Variants in STK32B observed in about 807,000 individuals in gnomAD.
STK32B encodes the protein serine/threonine kinase 32B.
Under a neutral mutation model 52.6 loss-of-function variants are expected in STK32B, and 43 were observed. That is an observed-to-expected ratio of 0.82 (90% CI 0.64 to 1.05). The LOEUF (loss-of-function observed/expected upper bound fraction) is 1.05, where lower values mean the gene tolerates loss of function less well. Ranked by LOEUF, STK32B falls within the 50% of genes least tolerant of loss-of-function variation. STK32B has a pLI of 0.00. For synonymous variants in STK32B, 238 were observed against 204.3 expected, an observed-to-expected ratio of 1.17 and a Z score of -1.41; for missense variants, 621 against 534.6, an observed-to-expected ratio of 1.16 and a Z score of -1.59.
intron 3 of STK32B, among the ~76,000 whole-genome samples, chr4:5,245,043 ATTCTGTTGAT>A (rs1725339048): frequency 6.6e-6 from 1 of 152,164 alleles, no homozygotes; most frequent in South Asian, 2.1e-4. Flanking sequence ...AAGAATGTGT[ATTCTGTTGAT>A]TTGGGGTGGA....
At chr4:5,346,646 C>T (rs1421248579) in intron 4 of STK32B, among the ~76,000 whole-genome samples, 1 of 152,160 alleles carries the variant, frequency 6.6e-6, no homozygotes, top group Admixed American at 6.5e-5. Context: ...AGCTCAGAGA[C>T]CGTGGGTAAG....
In STK32B at chr4:5,469,870, T is replaced by C. The variant is rs1369693093; in HGVS notation, c.1106+1800T>C. On this transcript the variant is annotated intron_variant, in intron 11 of 11. Coordinates refer to ENST00000282908, the MANE Select transcript of STK32B (RefSeq NM_018401.3). This position sits in a 1 kb window ranked among gnomAD's most constrained non-coding sequence, Gnocchi z 4.7. The stretch of plus-strand genomic sequence containing the variant: ...CCAATTTGCCTGTGGTCCTGCCTGC[T>C]CTGAGGCTCATGGCCCTTCCCCCAG... Among the ~76,000 whole-genome samples, 1 of 152,180 alleles carries C rather than the reference T, an allele frequency of 6.6e-6. No individual in the cohort carries two copies. The highest frequency in any genetic ancestry group is 1.9e-4 in the East Asian group (1 of 5,186).
chr4:5,104,810 C>T (rs957674886), intron 1 of STK32B, among the ~76,000 whole-genome samples: 4 of 152,054 alleles, frequency 2.6e-5, no homozygotes, highest in Admixed American at 1.3e-4. Context: ...GTTTTTTCAA[C>T]GTGTTTGTAA....
intron 5 of STK32B, among the ~76,000 whole-genome samples, chr4:5,404,981 C>G (rs534979705): frequency 6.6e-6 from 1 of 150,486 alleles, no homozygotes; most frequent in South Asian, 2.1e-4. Flanking sequence ...ATTCTCTGGC[C>G]TCAGCCTCCT....
At chr4:5,317,633 G>C (rs184528714) in intron 3 of STK32B, among the ~76,000 whole-genome samples, 6 of 145,262 alleles carry the variant, frequency 4.1e-5, no homozygotes, top group African/African-American at 1.6e-4. Context: ...TCATGCCCTG[G>C]ACCAGGCCCT....
rs1395156566 is a variant in STK32B at position 5,500,659 on chromosome 4, T to C, written c.*1576T>C. Reference sequence around the variant, plus strand: ...TAATGTATGGTTAGGTTTTATATTTTTATTTTTTAAAAAAGAAATAGTCAG... The same window carrying C: ...TAATGTATGGTTAGGTTTTATATTTCTATTTTTTAAAAAAGAAATAGTCAG... On this transcript the variant is annotated 3_prime_UTR_variant, in exon 12 of 12. Coordinates refer to ENST00000282908, the MANE Select transcript of STK32B (RefSeq NM_018401.3). 1.3e-5 allele frequency: 2 copies of C among 152,232 alleles called. No individual in the cohort carries two copies. Among genetic ancestry groups the C allele is most frequent in the Non-Finnish European group, 2.9e-5 (2 of 68,048 alleles). The allele number at this position is 152,232 out of a possible 1,614,324, so 9.4% of individuals were successfully genotyped here.
In STK32B at chr4:5,500,863, T is replaced by G. The variant is rs949754225; in HGVS notation, c.*1780T>G. 6.6e-6 allele frequency: 1 copy of G among 152,136 alleles called. No homozygotes were observed. The highest frequency in any genetic ancestry group is 6.5e-5 in the Admixed American group (1 of 15,282). The allele number at this position is 152,136 out of a possible 1,614,324, so 9.4% of individuals were successfully genotyped here. A position where few individuals can be genotyped will look rare whatever the true frequency, so the allele number is the denominator to read the frequency against. ...GTGACCCTGGAGGCTCTTAAGATGA[T>G]GATGGTTTTTTTTATTGGGCTGAGT... On this transcript the variant is annotated 3_prime_UTR_variant, in exon 12 of 12. Transcript: ENST00000282908.
At chr4:5,196,166 TC>T (rs1721636136) in intron 3 of STK32B, among the ~76,000 whole-genome samples, 1 of 152,058 alleles carries the variant, frequency 6.6e-6, no homozygotes, top group Non-Finnish European at 1.5e-5. Flanking sequence ...GTGTTCTTGC[TC>T]TGCGTTCCAC....
chr4:5,299,820 G>A (rs551145463), intron 3 of STK32B, among the ~76,000 whole-genome samples: 110 of 152,226 alleles, frequency 7.2e-4, no homozygotes, highest in South Asian at 5.2e-3. Flanking sequence ...ACCAAAAAGA[G>A]CCCTGGACCA....
At chr4:5,243,341 TTGTGAATGGG>T (rs1374117427) in intron 3 of STK32B, among the ~76,000 whole-genome samples, 2 of 152,200 alleles carry the variant, frequency 1.3e-5, no homozygotes, top group African/African-American at 4.8e-5. Flanking sequence ...TTTGAAGCAA[TTGTGAATGGG>T]AGTTCACTCA....
chr4:5,452,865 T>C (rs1716131501), intron 7 of STK32B, among the ~76,000 whole-genome samples: 1 of 152,108 alleles, frequency 6.6e-6, no homozygotes, highest in South Asian at 2.1e-4. Flanking sequence ...CTAAAATTGC[T>C]TTTACCAGCA....
intron 3 of STK32B, among the ~76,000 whole-genome samples, chr4:5,328,346 T>G (rs1329973596): frequency 6.6e-6 from 1 of 152,228 alleles, no homozygotes; most frequent in Non-Finnish European, 1.5e-5. Flanking sequence ...TGGCATGTCT[T>G]TCTCATTAGG....
At chr4:5,075,167 T>C (rs1462544039) in intron 1 of STK32B, among the ~76,000 whole-genome samples, 1 of 152,208 alleles carries the variant, frequency 6.6e-6, no homozygotes, top group East Asian at 1.9e-4. Context: ...ACAATGTGAT[T>C]ATTGGAATAA....
At chr4:5,417,789 A>C (rs1712285197) in intron 6 of STK32B, among the ~76,000 whole-genome samples, 1 of 152,198 alleles carries the variant, frequency 6.6e-6, no homozygotes, top group Non-Finnish European at 1.5e-5. Context: ...TCACAACGTT[A>C]TTTCTCACAA....
intron 3 of STK32B, among the ~76,000 whole-genome samples, chr4:5,224,286 TA>T (rs1430377828): frequency 6.6e-6 from 1 of 152,206 alleles, no homozygotes; most frequent in African/African-American, 2.4e-5. Flanking sequence ...AAGAGGTGAT[TA>T]AGGGCTTACA....
chr4:5,468,155 C>A, intron 11 of STK32B, 85 bp downstream of exon 11: 4 of 1,411,038 alleles, frequency 2.8e-6, no homozygotes, highest in Non-Finnish European at 2.0e-6. Context: ...TCCCTGCCCC[C>A]CAAACCGGCC....
chr4:5,499,271 A>ACAAGT lies in STK32B; in HGVS notation c.*191_*195dup. On this transcript the variant is annotated 3_prime_UTR_variant, in exon 12 of 12. Coordinates refer to ENST00000282908, the MANE Select transcript of STK32B (RefSeq NM_018401.3). ...ATGACTGATTCACGTGTGACCTCAG[A>ACAAGT]CAAGTCACGCCCTCTCTGTGCCTCC... The ACAAGT allele has an allele frequency of 1.4e-6, 1 of 699,258 alleles. No homozygotes were observed. The highest frequency in any genetic ancestry group is 2.1e-6 in the Non-Finnish European group (1 of 475,958). 43.3% of individuals were successfully genotyped at this position (699,258 alleles called of 1,614,324 possible).
At chr4:5,188,850 C>T (rs1299085083) in intron 3 of STK32B, among the ~76,000 whole-genome samples, 1 of 138,984 alleles carries the variant, frequency 7.2e-6, no homozygotes, top group Admixed American at 7.3e-5. Context: ...ACATCACACA[C>T]TGGGGCCTGT....
intron 11 of STK32B, among the ~76,000 whole-genome samples, chr4:5,494,058 G>T (rs1259355263): frequency 6.6e-6 from 1 of 152,222 alleles, no homozygotes; most frequent in Non-Finnish European, 1.5e-5. Context: ...ATATTCTGTT[G>T]ATTTGGGGTG....
Sources: gnomAD v4.1 joint callset for allele counts (sites outside exome capture counted in the v4.1 genomes callset) on GRCh38, gnomAD v4.1.1 for gene constraint, Gnocchi (gnomAD v3.1) non-coding constraint, MANE v1.5 for transcripts, NCBI Gene and HGNC (gene_info 2026-07-23, HGNC 2026-07-21) for gene names.